PDGFD: variants seen among roughly 807,000 people sequenced by gnomAD.
PDGFD encodes platelet-derived growth factor D.
PDGFD carries 30 observed loss-of-function variants against 44.7 expected under a neutral mutation model. That is an observed-to-expected ratio of 0.67 (90% CI 0.50 to 0.91). PDGFD has a LOEUF of 0.91. PDGFD is among the 40% of genes least tolerant of loss of function. The pLI, the probability that PDGFD is intolerant of heterozygous loss-of-function variation, is 0.00. For missense variants in PDGFD, 445 were observed against 457.8 expected (o/e 0.97, Z 0.25); for synonymous variants, 173 against 168.4 (o/e 1.03, Z -0.21).
intron 5 of PDGFD, among the ~76,000 whole-genome samples, chr11:103,929,385 T>A (rs143575626): frequency 6.6e-6 from 1 of 152,248 alleles, no homozygotes; most frequent in Non-Finnish European, 1.5e-5. Flanking sequence ...ATCCTTATCT[T>A]CAGAAGACAC....
chr11:103,943,423 T>G (rs1483603493), intron 5 of PDGFD, 29 bp downstream of exon 5: 1 of 1,587,174 alleles, frequency 6.3e-7, no homozygotes, highest in East Asian at 2.2e-5. Context: ...TATGTGCTTA[T>G]GAAGAATGTA....
chr11:104,050,148 A>G (rs539649603), intron 1 of PDGFD, among the ~76,000 whole-genome samples: 2 of 152,320 alleles, frequency 1.3e-5, no homozygotes, highest in East Asian at 1.9e-4. Flanking sequence ...TAATTCATAC[A>G]GCACAGTTCT....
intron 1 of PDGFD, among the ~76,000 whole-genome samples, chr11:104,035,540 T>C (rs983623940): frequency 6.8e-6 from 1 of 147,456 alleles, no homozygotes; most frequent in Non-Finnish European, 1.5e-5. Context: ...TTCCCTTTCC[T>C]TTCCTTCCTT....
At chr11:104,092,930 T>C (rs1861231968) in intron 1 of PDGFD, among the ~76,000 whole-genome samples, 1 of 152,148 alleles carries the variant, frequency 6.6e-6, no homozygotes, top group Admixed American at 6.6e-5. Context: ...GCTGAGAACA[T>C]GCCAGGTCGA....
intron 1 of PDGFD, among the ~76,000 whole-genome samples, chr11:104,069,974 C>T (rs1037696336): frequency 2.6e-5 from 4 of 152,218 alleles, no homozygotes; most frequent in Non-Finnish European, 2.9e-5. Flanking sequence ...TAACTTTATC[C>T]TCCAGTATCA....
At chr11:104,065,205 T>G (rs1233148755) in intron 1 of PDGFD, among the ~76,000 whole-genome samples, 1 of 152,200 alleles carries the variant, frequency 6.6e-6, no homozygotes. Flanking sequence ...AGACAGCCTA[T>G]TGTAGGACCT....
At chr11:104,020,841 G>C (rs1859938094) in intron 1 of PDGFD, among the ~76,000 whole-genome samples, 1 of 152,012 alleles carries the variant, frequency 6.6e-6, no homozygotes, top group Non-Finnish European at 1.5e-5. Context: ...TTTAACTTCA[G>C]TTCTGAAAAT....
At chr11:103,969,481 T>TTG (rs1231853472) in intron 3 of PDGFD, among the ~76,000 whole-genome samples, 1 of 147,618 alleles carries the variant, frequency 6.8e-6, no homozygotes. Flanking sequence ...CTGGTTTTTT[T>TTG]TTTTTTTTTT....
In PDGFD at chr11:104,163,990, G is replaced by A. The variant is rs1311052702; in HGVS notation, c.-63C>T. On this transcript the variant is annotated 5_prime_UTR_variant, in exon 1 of 7. Transcript: ENST00000393158. ...AAAGCCGGGTTCTGCTCCCGGGACC[G>A]ACGCCGCGCCGCCCTGCGCTCTCGC... 3 of 1,464,326 alleles carry A rather than the reference G, an allele frequency of 2.0e-6. No homozygotes were observed. Among genetic ancestry groups the A allele is most frequent in the South Asian group, 1.5e-5 (1 of 65,928 alleles). The allele number at this position is 1,464,326 out of a possible 1,614,324, so 90.7% of individuals were successfully genotyped here.
chr11:103,968,949 T>C (rs1859060071), intron 3 of PDGFD, among the ~76,000 whole-genome samples: 1 of 152,156 alleles, frequency 6.6e-6, no homozygotes, highest in South Asian at 2.1e-4. Flanking sequence ...GCATAGGCTA[T>C]TCTCTTTGCA....
chr11:104,162,084 C>A (rs922325966), intron 1 of PDGFD, among the ~76,000 whole-genome samples: 3 of 150,820 alleles, frequency 2.0e-5, no homozygotes, highest in Admixed American at 1.3e-4. Context: ...CCCATATAGA[C>A]TGAACAGATG....
At chr11:103,981,649 A>C (rs942807561) in intron 3 of PDGFD, among the ~76,000 whole-genome samples, 2 of 151,816 alleles carry the variant, frequency 1.3e-5, no homozygotes, top group Non-Finnish European at 2.9e-5. Flanking sequence ...AGTGTTTCTG[A>C]TTCATATATC....
At chr11:104,004,872 C>CTTTTTTTTTTTTTTTT (rs33979812) in intron 1 of PDGFD, among the ~76,000 whole-genome samples, 1 of 71,890 alleles carries the variant, frequency 1.4e-5, no homozygotes, top group African/African-American at 5.6e-5. Context: ...TTATTACCAC[C>CTTTTTTTTTTTTTTTT]TTTTTTTTTT....
chr11:103,915,977 A>G (rs2134302107), intron 6 of PDGFD, among the ~76,000 whole-genome samples: 1 of 152,346 alleles, frequency 6.6e-6, no homozygotes, highest in African/African-American at 2.4e-5. Flanking sequence ...AAGACATAAA[A>G]CCATAAAAAC....
At chr11:103,915,482 CAGAT>C (rs956284183) in intron 6 of PDGFD, among the ~76,000 whole-genome samples, 20 of 151,424 alleles carry the variant, frequency 1.3e-4, no homozygotes, top group Admixed American at 6.6e-5. Flanking sequence ...TCCATGCTCA[CAGAT>C]AGTAAGAATC....
intron 3 of PDGFD, among the ~76,000 whole-genome samples, chr11:103,976,897 C>T (rs142528456): frequency 7.8e-4 from 118 of 151,880 alleles, no homozygotes; most frequent in African/African-American, 2.4e-3. Context: ...AGGGATGAAG[C>T]CAGGAGCTGT....
intron 1 of PDGFD, among the ~76,000 whole-genome samples, chr11:104,109,165 C>T (rs756652163): frequency 1.3e-4 from 19 of 151,046 alleles, no homozygotes; most frequent in Non-Finnish European, 1.9e-4. Flanking sequence ...CAAACCTGCA[C>T]GATATGCACA....
intron 5 of PDGFD, 79 bp downstream of exon 5, chr11:103,943,373 C>T: frequency 3.0e-6 from 4 of 1,351,890 alleles, no homozygotes; most frequent in Non-Finnish European, 4.1e-6. Context: ...GTTTCAAATA[C>T]TTTGGATAAG....
At chr11:103,940,537 G>A (rs1217052819) in intron 5 of PDGFD, among the ~76,000 whole-genome samples, 3 of 152,000 alleles carry the variant, frequency 2.0e-5, no homozygotes, top group East Asian at 1.9e-4. Context: ...ATTATCCATC[G>A]CTATTTTCCT....
Sources: allele counts gnomAD v4.1 joint callset (sites outside exome capture counted in the v4.1 genomes callset), GRCh38; gene constraint gnomAD v4.1.1; transcripts MANE v1.5; gene names NCBI Gene and HGNC (gene_info 2026-07-23, HGNC 2026-07-21).